ARFRP1: variants seen among roughly 807,000 people sequenced by gnomAD.
The protein encoded by ARFRP1 is ADP-ribosylation factor-related protein 1.
A neutral mutation model predicts 30.3 loss-of-function variants in ARFRP1; 19 were observed. The observed-to-expected ratio is 0.63, with a 90% CI of 0.44 to 0.92. The LOEUF (loss-of-function observed/expected upper bound fraction) is 0.92. ARFRP1 is among the 40% of genes least tolerant of loss of function. The pLI is 0.00. For synonymous variants in ARFRP1, 133 were observed against 114.2 expected, an observed-to-expected ratio of 1.16 and a Z score of -1.05; for missense variants, 245 against 267.5, an observed-to-expected ratio of 0.92 and a Z score of 0.59.
intron 4 of ARFRP1, chr20:63,702,726 CCT>C (rs2091272998): frequency 6.4e-6 from 1 of 157,186 alleles, no homozygotes; most frequent in African/African-American, 2.4e-5. Context: ...AATGAGAGAC[CCT>C]GTCTCAAAAA....
At chr20:63,700,756 T>C in intron 6 of ARFRP1, 54 bp from the exon 7 acceptor site, 1 of 1,588,578 alleles carries the variant, frequency 6.3e-7, no homozygotes. Flanking sequence ...CTGTCCTGCC[T>C]GTGGGCCCGG....
In ARFRP1 at chr20:63,702,142, C is replaced by T. The variant is rs1219460624; in HGVS notation, c.340G>A (p.Ala114Thr). The T allele has an allele frequency of 1.2e-6, 2 of 1,611,200 alleles. No individual in the cohort carries two copies. The highest frequency in any genetic ancestry group is 1.7e-6 in the Non-Finnish European group (2 of 1,179,648). ...DEERLAESKQ[A>T]FEKVVTSEAL... ...GCAGCCAGGCCGCACTCACCAAACGCCTGCTTGGACTCAGCCAGCCTCTCC... is the reference window on the plus strand; with the variant it reads ...GCAGCCAGGCCGCACTCACCAAACGTCTGCTTGGACTCAGCCAGCCTCTCC... The change falls in exon 5 of 8, where the codon GCG (alanine) becomes ACG (threonine). Residue 114 changes from alanine to threonine, a missense_variant. Physicochemically the swap from Ala to Thr is moderately conservative, Grantham distance 58. Transcript: ENST00000622789.
At chr20:63,707,173 G>C in intron 1 of ARFRP1, 76 bp from the exon 2 acceptor site, 1 of 1,311,226 alleles carries the variant, frequency 7.6e-7, no homozygotes, top group Non-Finnish European at 1.1e-6. Flanking sequence ...GGTGGTCAGT[G>C]GCGCCCCACG....
At chr20:63,703,676 G>A (rs773307722) in intron 4 of ARFRP1, 1 of 152,344 alleles carries the variant, frequency 6.6e-6, no homozygotes, top group African/African-American at 2.4e-5. Flanking sequence ...CCCAGTGAGA[G>A]AATCTCCACG....
Position 63,706,449 on chromosome 20 carries a change from G to C in ARFRP1, c.182-10C>G, listed in dbSNP as rs746798202. 2.5e-6 allele frequency: 4 copies of C among 1,612,630 alleles called. No individual in the cohort carries two copies. The highest frequency in any genetic ancestry group is 2.7e-5 in the African/African-American group (2 of 74,932). On this transcript the variant is annotated splice_polypyrimidine_tract_variant and intron_variant, in intron 3 of 7. Transcript: ENST00000622789. ...ACATCCACAGTGCCGACTGGGGAGA[G>C]GAGGAAACAGGCAAGGCTCATGACC... is the stretch of plus-strand genomic sequence containing the variant.
Position 63,699,767 on chromosome 20 carries a change from A to T in ARFRP1, c.*676T>A, listed in dbSNP as rs2091101878. The T allele has an allele frequency of 1.3e-5, 2 of 153,948 alleles. No individual in the cohort carries two copies. Among genetic ancestry groups the T allele is most frequent in the Admixed American group, 1.3e-4 (2 of 15,544 alleles). 9.5% of individuals were successfully genotyped at this position (153,948 alleles called of 1,614,324 possible). A position where few individuals can be genotyped will look rare whatever the true frequency, so the allele number is the denominator to read the frequency against. The stretch of plus-strand genomic sequence containing the variant: ...CCAACTTGCGGGGCTGGGGCATAAA[A>T]ACAGCCACTCCCAGCAGGCCCCCTC... On this transcript the variant is annotated 3_prime_UTR_variant, in exon 8 of 8. Transcript: ENST00000622789.
In ARFRP1 at chr20:63,700,278, C is replaced by T. The variant is rs981658639; in HGVS notation, c.*165G>A. On this transcript the variant is annotated 3_prime_UTR_variant, in exon 8 of 8. Coordinates refer to ENST00000622789, the MANE Select transcript of ARFRP1 (RefSeq NM_001267547.3). ...CCCCTCCAAAGCCTCCGGATGCCTA[C>T]GCTTTTCCAGACATAGAGGAAAGTT... 32 of 1,091,922 alleles carry T rather than the reference C, an allele frequency of 2.9e-5. No homozygotes were observed. The highest frequency in any genetic ancestry group is 1.3e-4 in the East Asian group (5 of 38,108). The allele number at this position is 1,091,922 out of a possible 1,614,324, so 67.6% of individuals were successfully genotyped here.
intron 6 of ARFRP1, chr20:63,701,353 G>A (rs568460255): frequency 3.2e-5 from 17 of 537,074 alleles, no homozygotes; most frequent in East Asian, 2.1e-4. Flanking sequence ...AGAACTCAGC[G>A]TGGCCAGTGC....
At chr20:63,701,993 C>A in intron 5 of ARFRP1, 93 bp from the exon 6 acceptor site, 1 of 1,173,468 alleles carries the variant, frequency 8.5e-7, no homozygotes. Context: ...ACAGCCACTC[C>A]CTCTGCCCCC....
chr20:63,707,347 G>A, intron 1 of ARFRP1: 1 of 451,352 alleles, frequency 2.2e-6, no homozygotes, highest in Non-Finnish European at 4.0e-6. Flanking sequence ...CCCCTCCCCT[G>A]CTCGCGGGAC....
At position 63,702,173 on chromosome 20, in the gene ARFRP1, G is replaced by T; in HGVS notation, c.309C>A (p.Thr103=). The change falls in exon 5 of 8, where the codon ACC becomes ACA. Residue 103 remains threonine (T), a synonymous_variant. Coordinates refer to ENST00000622789, the MANE Select transcript of ARFRP1 (RefSeq NM_001267547.3). ...TGGACTCAGCCAGCCTCTCCTCGTC[G>T]GTGGAGTCAATGACGTAGATGACGC... ...CHGVIYVIDS[T]DEERLAESKQ... is the part of the protein sequence containing the mutation. The T allele has an allele frequency of 6.2e-7, 1 of 1,611,954 alleles. No homozygotes were observed.
rs572508402 is a variant in ARFRP1, at chr20:63,705,250, A to G, written c.264+1107T>C. ...CCATGGGAGAAATGTCTTCTTGGCTAGAAGTCACAGCAGGAGGGGACACTT... is the reference window on the plus strand; with the variant it reads ...CCATGGGAGAAATGTCTTCTTGGCTGGAAGTCACAGCAGGAGGGGACACTT... On this transcript the variant is annotated intron_variant, in intron 4 of 7. Coordinates refer to ENST00000622789, the MANE Select transcript of ARFRP1 (RefSeq NM_001267547.3). 38 of 160,110 alleles carry G rather than the reference A, an allele frequency of 2.4e-4. 3 individuals are homozygous for G. In the South Asian group the frequency reaches 6.6e-3, roughly 28 times the overall value. The allele number at this position is 160,110 out of a possible 1,614,324, so 9.9% of individuals were successfully genotyped here.
At position 63,700,292 on chromosome 20, in the gene ARFRP1, TAGAGG is replaced by T; in HGVS notation, c.*146_*150del. 2 of 1,179,838 alleles carry T rather than the reference TAGAGG, an allele frequency of 1.7e-6. No homozygotes were observed. The highest frequency in any genetic ancestry group is 2.4e-6 in the Non-Finnish European group (2 of 850,652). 73.1% of individuals were successfully genotyped at this position (1,179,838 alleles called of 1,614,324 possible). A position where few individuals can be genotyped will look rare whatever the true frequency, so the allele number is the denominator to read the frequency against. On this transcript the variant is annotated 3_prime_UTR_variant, in exon 8 of 8. Coordinates refer to ENST00000622789, the MANE Select transcript of ARFRP1 (RefSeq NM_001267547.3). The stretch of plus-strand genomic sequence containing the variant: ...CCGGATGCCTACGCTTTTCCAGACA[TAGAGG>T]AAAGTTTGTCTTCGAGAAAACAAAG...
chr20:63,700,488 G>C lies in ARFRP1; in HGVS notation c.561C>G (p.Val187=), dbSNP rs532707971. ...GCGGCGGCCGGTGCACATTCCGCAC[G>C]ACACACTTCACCATCCACTCGATGC... The part of the protein sequence containing the change: ...REGIEWMVKC[V]VRNVHRPPRQ... The change falls in exon 8 of 8, where the codon GTC becomes GTG. Residue 187 remains valine, a synonymous_variant. Coordinates refer to ENST00000622789, the MANE Select transcript of ARFRP1 (RefSeq NM_001267547.3). 6.2e-7 allele frequency: 1 copy of C among 1,610,448 alleles called. No individual in the cohort carries two copies. The highest frequency in any genetic ancestry group is 1.1e-5 in the South Asian group (1 of 90,972).
At chr20:63,700,875 C>T (rs2091171312) in intron 6 of ARFRP1, 173 bp from the exon 7 acceptor site, 6 of 853,418 alleles carry the variant, frequency 7.0e-6, no homozygotes, top group South Asian at 5.3e-5. Flanking sequence ...GTGCTCAGCC[C>T]GAGGCTGAAC....
chr20:63,700,129 C>G lies in ARFRP1; in HGVS notation c.*314G>C. 1 of 406,692 alleles carries G rather than the reference C, an allele frequency of 2.5e-6. No homozygotes were observed. Among genetic ancestry groups the G allele is most frequent in the Non-Finnish European group, 4.7e-6 (1 of 214,448 alleles). 25.2% of individuals were successfully genotyped at this position (406,692 alleles called of 1,614,324 possible). On this transcript the variant is annotated 3_prime_UTR_variant, in exon 8 of 8. Transcript: ENST00000622789. Reference sequence around the variant, plus strand: ...CTCATGCAGCCCAAGCCAGCCTGAGCACTGGAGCCCCAATTCCCAACCAGG... The same window carrying G: ...CTCATGCAGCCCAAGCCAGCCTGAGGACTGGAGCCCCAATTCCCAACCAGG...
rs200123743 is a variant in ARFRP1, at chr20:63,701,904, G to A, written c.347-4C>T. 2.6e-6 allele frequency: 4 copies of A among 1,550,004 alleles called. No homozygotes were observed. The highest frequency in any genetic ancestry group is 2.4e-5 in the East Asian group (1 of 40,974). On this transcript the variant is annotated splice_polypyrimidine_tract_variant and splice_region_variant and intron_variant, in intron 5 of 7. Transcript: ENST00000622789. ...GCCTCGCTGGTCACCACCTTCTCTG[G>A]GGAGGGCAGGAGAGGCAGCGCCTCA...
rs1265760735 is a variant in ARFRP1 at position 63,701,820 on chromosome 20, T to G, written c.417+10A>C. 5 of 1,549,470 alleles carry G rather than the reference T, an allele frequency of 3.2e-6. No homozygotes were observed. In the South Asian group the frequency reaches 6.0e-5, roughly 18 times the overall value. On this transcript the variant is annotated intron_variant, in intron 6 of 7. Transcript: ENST00000622789. ...GGGAAGCTGCTGCGGGAGGCAGGGGTGGGGCTCACCTCCACATCCTGCTTG... is the reference window on the plus strand; with the variant it reads ...GGGAAGCTGCTGCGGGAGGCAGGGGGGGGGCTCACCTCCACATCCTGCTTG...
chr20:63,700,438 TG>T lies in ARFRP1; in HGVS notation c.*4del. 6.2e-7 allele frequency: 1 copy of T among 1,607,764 alleles called. No homozygotes were observed. The highest frequency in any genetic ancestry group is 8.5e-7 in the Non-Finnish European group (1 of 1,179,732). On this transcript the variant is annotated 3_prime_UTR_variant, in exon 8 of 8. Coordinates refer to ENST00000622789, the MANE Select transcript of ARFRP1 (RefSeq NM_001267547.3). ...CCAGCCGTCCCGACGGCAGCGCGGCTGCGCCTACGTGATGTCCCTCTGCCGC... is the reference window on the plus strand; with the variant it reads ...CCAGCCGTCCCGACGGCAGCGCGGCTCGCCTACGTGATGTCCCTCTGCCGC...
Sources: gnomAD v4.1 joint callset for allele counts on GRCh38, gnomAD v4.1.1 for gene constraint, MANE v1.5 for transcripts, NCBI Gene and HGNC (gene_info 2026-07-23, HGNC 2026-07-21) for gene names.